The following GPC5 variants were observed in gnomAD, a reference collection of about 807,000 sequenced individuals.
The protein encoded by GPC5 is glypican 5.
Under a neutral mutation model 53.9 loss-of-function variants are expected in GPC5, and 47 were observed. That is an observed-to-expected ratio of 0.87 (90% confidence interval 0.69 to 1.11). The LOEUF (loss-of-function observed/expected upper bound fraction) is 1.11. Among genes scored for constraint, GPC5 ranks in the 50% most tolerant of loss-of-function variants. The pLI, the probability that GPC5 is intolerant of heterozygous loss-of-function variation, is 0.00. For synonymous variants in GPC5, 286 were observed against 263.3 expected, an observed-to-expected ratio of 1.09 and a Z score of -0.84; for missense variants, 748 against 713.1, an observed-to-expected ratio of 1.05 and a Z score of -0.56.
chr13:92,794,988 C>T (rs984330924), intron 7 of GPC5, among the ~76,000 whole-genome samples: 1 of 152,076 alleles, frequency 6.6e-6, no homozygotes, highest in African/African-American at 2.4e-5. Context: ...CAATGCCGTT[C>T]CCATCAAGCT....
At chr13:92,032,769 A>G (rs1391643944) in intron 6 of GPC5, among the ~76,000 whole-genome samples, 4 of 152,206 alleles carry the variant, frequency 2.6e-5, no homozygotes, top group Non-Finnish European at 5.9e-5. Context: ...AGTCCTTAAC[A>G]TGGCCAAGGA....
At chr13:91,686,352 GATTA>G (rs1387646997) in intron 2 of GPC5, among the ~76,000 whole-genome samples, 11 of 151,954 alleles carry the variant, frequency 7.2e-5, no homozygotes, top group Admixed American at 6.6e-4. Context: ...TAGAAGATAA[GATTA>G]ATTAACAAAA....
intron 5 of GPC5, among the ~76,000 whole-genome samples, chr13:91,891,420 T>C (rs1315903658): frequency 6.6e-6 from 1 of 152,172 alleles, no homozygotes; most frequent in East Asian, 1.9e-4. Context: ...TTATGTTCTG[T>C]TTAAAGCCTT....
chr13:91,477,643 A>G (rs1189566602), intron 2 of GPC5, among the ~76,000 whole-genome samples: 1 of 152,136 alleles, frequency 6.6e-6, no homozygotes, highest in Non-Finnish European at 1.5e-5. Context: ...ACATGTTGGG[A>G]AAAGGGCTGC....
intron 7 of GPC5, among the ~76,000 whole-genome samples, chr13:92,504,721 G>A (rs937410933): frequency 1.2e-4 from 18 of 150,936 alleles, no homozygotes; most frequent in African/African-American, 4.4e-4. Context: ...CAAAGGCAAT[G>A]ACAATAGAGA....
At chr13:92,518,916 A>G (rs1880908837) in intron 7 of GPC5, among the ~76,000 whole-genome samples, 1 of 152,226 alleles carries the variant, frequency 6.6e-6, no homozygotes, top group Admixed American at 6.5e-5. Flanking sequence ...TAGGCTCAAA[A>G]TAAAGGGCTG....
intron 7 of GPC5, among the ~76,000 whole-genome samples, chr13:92,432,988 G>A (rs1877159000): frequency 6.6e-6 from 1 of 152,062 alleles, no homozygotes; most frequent in Admixed American, 6.5e-5. Flanking sequence ...AGAGAAGAAT[G>A]CAAAGGACTA....
intron 6 of GPC5, among the ~76,000 whole-genome samples, chr13:92,047,425 T>C (rs1049697967): frequency 1.1e-5 from 1 of 95,050 alleles, no homozygotes; most frequent in Non-Finnish European, 2.3e-5. Flanking sequence ...GACTTTCTTT[T>C]TAAACTATAT....
chr13:92,255,357 C>T (rs1355648436), intron 7 of GPC5, among the ~76,000 whole-genome samples: 2 of 152,108 alleles, frequency 1.3e-5, no homozygotes, highest in Non-Finnish European at 2.9e-5. Flanking sequence ...CAATGTGATT[C>T]GTCTTAATTC....
intron 7 of GPC5, among the ~76,000 whole-genome samples, chr13:92,170,670 C>T (rs1241380789): frequency 1.3e-5 from 2 of 152,036 alleles, no homozygotes; most frequent in Non-Finnish European, 2.9e-5. Flanking sequence ...GGTGATCCGC[C>T]TGCCTCAACC....
intron 2 of GPC5, among the ~76,000 whole-genome samples, chr13:91,582,665 G>A (rs530395333): frequency 4.2e-4 from 64 of 152,216 alleles, no homozygotes; most frequent in African/African-American, 1.5e-3. Flanking sequence ...GATCAAAGGA[G>A]GGCAATTATG....
At chr13:92,357,052 C>A (rs71427561) in intron 7 of GPC5, among the ~76,000 whole-genome samples, 1,538 of 148,212 alleles carry the variant, frequency 0.01, 30 homozygotes, top group Middle Eastern at 0.048. Flanking sequence ...TGATCTTGTT[C>A]TTTCTTACTC....
At chr13:92,331,925 A>C (rs564007390) in intron 7 of GPC5, among the ~76,000 whole-genome samples, 15 of 152,256 alleles carry the variant, frequency 9.9e-5, no homozygotes, top group Non-Finnish European at 1.9e-4. Context: ...ATAAGAAAAA[A>C]TGGAGCCCTG....
intron 7 of GPC5, among the ~76,000 whole-genome samples, chr13:92,820,399 T>C (rs1877633172): frequency 6.6e-6 from 1 of 152,196 alleles, no homozygotes; most frequent in Admixed American, 6.6e-5. Flanking sequence ...GTCCACTGTC[T>C]ACAACCATCA....
chr13:92,290,485 C>T (rs2042985965), intron 7 of GPC5, among the ~76,000 whole-genome samples: 1 of 152,178 alleles, frequency 6.6e-6, no homozygotes, highest in Non-Finnish European at 1.5e-5. Flanking sequence ...TCCTCACCCC[C>T]TTCTGACCCT....
At chr13:92,381,849 TC>T (rs1375300967) in intron 7 of GPC5, among the ~76,000 whole-genome samples, 7 of 33,084 alleles carry the variant, frequency 2.1e-4, no homozygotes, top group East Asian at 1.2e-3. Context: ...TTGTATATGA[TC>T]ATATATGATT....
chr13:92,461,196 A>C (rs1878465125), intron 7 of GPC5, among the ~76,000 whole-genome samples: 1 of 152,194 alleles, frequency 6.6e-6, no homozygotes. Flanking sequence ...AAAAAGTACA[A>C]AAAGGAAAAT....
chr13:91,758,061 T>G (rs2037332843), intron 5 of GPC5, among the ~76,000 whole-genome samples: 1 of 151,966 alleles, frequency 6.6e-6, no homozygotes, highest in Non-Finnish European at 1.5e-5. Context: ...GAAAAAAAAA[T>G]TGAAGACAAA....
At chr13:92,127,233 C>T (rs981058886) in intron 6 of GPC5, among the ~76,000 whole-genome samples, 18 of 150,514 alleles carry the variant, frequency 1.2e-4, no homozygotes, top group Non-Finnish European at 2.1e-4. Context: ...CTAGTTTGAA[C>T]CAAAAGTAAA....
Sources: allele counts gnomAD v4.1 joint callset (sites outside exome capture counted in the v4.1 genomes callset), GRCh38; gene constraint gnomAD v4.1.1; transcripts MANE v1.5; gene names NCBI Gene and HGNC (gene_info 2026-07-23, HGNC 2026-07-21).